Variants in BMP2K observed in about 807,000 individuals in gnomAD.
BMP2K encodes the protein BMP2 inducible kinase, also known as BMP-2-inducible protein kinase.
A neutral mutation model predicts 116.0 loss-of-function variants in BMP2K; 74 were observed. That is an observed-to-expected ratio of 0.64 (90% CI 0.53 to 0.77). BMP2K has a LOEUF of 0.77. BMP2K is among the 30% of genes least tolerant of loss of function. The pLI is 0.00. For synonymous variants in BMP2K, 486 were observed against 502.5 expected (o/e 0.97, Z 0.44); for missense variants, 1,365 against 1,403.6 (o/e 0.97, Z 0.44).
chr4:78,835,355 G>T (rs567009740), intron 3 of BMP2K, among the ~76,000 whole-genome samples: 3 of 152,194 alleles, frequency 2.0e-5, no homozygotes, highest in South Asian at 4.1e-4. Flanking sequence ...GCCTGGTGCG[G>T]TGGCTCACGC....
intron 7 of BMP2K, among the ~76,000 whole-genome samples, chr4:78,855,408 C>G (rs570813356): frequency 1.4e-4 from 22 of 152,266 alleles, no homozygotes; most frequent in African/African-American, 5.1e-4. Flanking sequence ...TTTGAGACTT[C>G]TATCCAGAGT....
At chr4:78,845,841 A>T (rs989580192) in intron 5 of BMP2K, among the ~76,000 whole-genome samples, 7 of 151,810 alleles carry the variant, frequency 4.6e-5, no homozygotes, top group Admixed American at 3.9e-4. Context: ...AAATAGTTCA[A>T]ATAGAGCTGA....
In BMP2K at chr4:78,776,508, C is replaced by T; in HGVS notation, c.-36C>T. 1 of 1,131,182 alleles carries T rather than the reference C, an allele frequency of 8.8e-7. No homozygotes were observed. The allele number at this position is 1,131,182 out of a possible 1,614,324, so 70.1% of individuals were successfully genotyped here. A position where few individuals can be genotyped will look rare whatever the true frequency, so the allele number is the denominator to read the frequency against. Reference sequence around the variant, plus strand: ...GCGCCGGGCCGGGGACTTGCCCTTGCACGCTCCCTGCGCCCTCCAGCTCGC... The same window carrying T: ...GCGCCGGGCCGGGGACTTGCCCTTGTACGCTCCCTGCGCCCTCCAGCTCGC... On this transcript the variant is annotated 5_prime_UTR_variant, in exon 1 of 16. Coordinates refer to ENST00000502613, the MANE Select transcript of BMP2K (RefSeq NM_198892.2).
chr4:78,905,164 G>A (rs760558357), intron 15 of BMP2K, among the ~76,000 whole-genome samples: 2 of 151,624 alleles, frequency 1.3e-5, no homozygotes, highest in Non-Finnish European at 3.0e-5. Flanking sequence ...TAACCCTTTC[G>A]TTAAGTTTTG....
intron 7 of BMP2K, among the ~76,000 whole-genome samples, chr4:78,852,804 T>C: frequency 6.6e-6 from 1 of 151,996 alleles, no homozygotes; most frequent in Non-Finnish European, 1.5e-5. Flanking sequence ...TGGGTTTTGC[T>C]GTATGCCCAG....
Position 78,910,628 on chromosome 4 carries a change from C to G in BMP2K, c.2081C>G (p.Ala694Gly). Reference protein sequence around the residue: ...ISHSGSPEKKAEHSSINQENG... With the variant: ...ISHSGSPEKKGEHSSINQENG... ...CTTGCAGGTTCTCCTGAAAAGAAAG[C>G]TGAACATTCATCTATAAATCAAGAA... Residue 694 changes from alanine to glycine, a missense_variant, in exon 16 of 16, where the codon GCT becomes GGT. Ala to Gly is a moderately conservative substitution (Grantham distance 60, BLOSUM62 0). Coordinates refer to ENST00000502613, the MANE Select transcript of BMP2K (RefSeq NM_198892.2). The G allele has an allele frequency of 1.3e-6, 2 of 1,540,604 alleles. No individual in the cohort carries two copies. Among genetic ancestry groups the G allele is most frequent in the Non-Finnish European group, 1.7e-6 (2 of 1,149,870 alleles).
intron 13 of BMP2K, among the ~76,000 whole-genome samples, chr4:78,874,225 G>A (rs746899608): frequency 4.6e-5 from 7 of 151,590 alleles, no homozygotes; most frequent in South Asian, 4.2e-4. Flanking sequence ...AGTATTTGCC[G>A]AACTCTTTGT....
intron 3 of BMP2K, among the ~76,000 whole-genome samples, chr4:78,837,867 TCCTGGCCTCAAGCA>T (rs1730564610): frequency 6.6e-6 from 1 of 152,218 alleles, no homozygotes; most frequent in Non-Finnish European, 1.5e-5. Flanking sequence ...GGTCTGGAAC[TCCTGGCCTCAAGCA>T]GTCCTCCCAC....
intron 1 of BMP2K, among the ~76,000 whole-genome samples, chr4:78,804,291 A>G (rs909420788): frequency 6.6e-6 from 1 of 152,122 alleles, no homozygotes; most frequent in African/African-American, 2.4e-5. Flanking sequence ...ACATGCATTC[A>G]TTCTTTTTTA....
chr4:78,776,559 C>A lies in BMP2K; in HGVS notation c.16C>A (p.Arg6=). The A allele has an allele frequency of 8.7e-7, 1 of 1,145,096 alleles. No individual in the cohort carries two copies. The highest frequency in any genetic ancestry group is 1.1e-6 in the Non-Finnish European group (1 of 928,306). 70.9% of individuals were successfully genotyped at this position (1,145,096 alleles called of 1,614,324 possible). The change falls in exon 1 of 16, where the codon CGG becomes AGG. Residue 6 remains arginine, a synonymous_variant. Coordinates refer to ENST00000502613, the MANE Select transcript of BMP2K (RefSeq NM_198892.2). ...CGGCGGGACCATGAAGAAGTTCTCTCGGATGCCCAAGTCGGAGGGCGGCAG... is the reference window on the plus strand; with the variant it reads ...CGGCGGGACCATGAAGAAGTTCTCTAGGATGCCCAAGTCGGAGGGCGGCAG... MKKFS[R]MPKSEGGSGG...
intron 10 of BMP2K, among the ~76,000 whole-genome samples, chr4:78,868,856 T>G (rs1732192770): frequency 6.6e-6 from 1 of 152,204 alleles, no homozygotes; most frequent in Non-Finnish European, 1.5e-5. Context: ...TCCTCCCCTG[T>G]GGCTTTGCAG....
At chr4:78,883,299 C>A (rs1186696672) in intron 14 of BMP2K, among the ~76,000 whole-genome samples, 2 of 152,006 alleles carry the variant, frequency 1.3e-5, no homozygotes, top group African/African-American at 2.4e-5. Flanking sequence ...TCTACATAAC[C>A]ATTTCATTAG....
At chr4:78,809,811 T>G (rs539509283) in intron 1 of BMP2K, among the ~76,000 whole-genome samples, 18 of 152,356 alleles carry the variant, frequency 1.2e-4, no homozygotes, top group African/African-American at 4.3e-4. Flanking sequence ...ACATATTTGT[T>G]GTAGCTGATT....
intron 14 of BMP2K, among the ~76,000 whole-genome samples, chr4:78,885,205 A>C (rs190688416): frequency 1.3e-5 from 2 of 152,358 alleles, no homozygotes; most frequent in African/African-American, 4.8e-5. Context: ...TAAACAATCC[A>C]AAGTTTCATG....
At chr4:78,828,486 T>C (rs1729987361) in intron 2 of BMP2K, among the ~76,000 whole-genome samples, 1 of 152,146 alleles carries the variant, frequency 6.6e-6, no homozygotes, top group South Asian at 2.1e-4. Context: ...CAGGGTATAG[T>C]GCAGGACTCT....
At chr4:78,861,097 C>G (rs1695680635) in intron 8 of BMP2K, among the ~76,000 whole-genome samples, 1 of 150,082 alleles carries the variant, frequency 6.7e-6, no homozygotes, top group African/African-American at 2.5e-5. Context: ...GTAATATAAT[C>G]TTTCTTTTTA....
chr4:78,791,838 T>A (rs1436019497), intron 1 of BMP2K, among the ~76,000 whole-genome samples: 3 of 139,110 alleles, frequency 2.2e-5, no homozygotes, highest in Non-Finnish European at 4.4e-5. Flanking sequence ...TCACATTTTG[T>A]CTGTCTGTGG....
chr4:78,859,936 A>C lies in BMP2K; in HGVS notation c.987+249A>C. 3 of 558,330 alleles carry C rather than the reference A, an allele frequency of 5.4e-6. No individual in the cohort carries two copies. In the Admixed American group the frequency reaches 8.3e-5, roughly 15 times the overall value. The allele number at this position is 558,330 out of a possible 1,614,324, so 34.6% of individuals were successfully genotyped here. On this transcript the variant is annotated intron_variant, in intron 8 of 15. Transcript: ENST00000502613. Reference sequence around the variant, plus strand: ...TATTTTGCATTTTTGAGGAAAACACAGGGACATCTTTCTGACTTAGCACAA... The same window carrying C: ...TATTTTGCATTTTTGAGGAAAACACCGGGACATCTTTCTGACTTAGCACAA...
chr4:78,789,742 G>A (rs1200283455), intron 1 of BMP2K, among the ~76,000 whole-genome samples: 1 of 152,194 alleles, frequency 6.6e-6, no homozygotes, highest in Non-Finnish European at 1.5e-5. Flanking sequence ...GAGAGGACAA[G>A]TCATACATGA....
Sources: gnomAD v4.1 joint callset for allele counts (sites outside exome capture counted in the v4.1 genomes callset) on GRCh38, gnomAD v4.1.1 for gene constraint, MANE v1.5 for transcripts, NCBI Gene and HGNC (gene_info 2026-07-23, HGNC 2026-07-21) for gene names.